The following P2RY8 variants were observed in gnomAD, a reference collection of about 807,000 sequenced individuals.
P2RY8 encodes the protein S-geranylgeranyl-glutathione receptor P2RY8.
In P2RY8, 6 loss-of-function variants were observed where a neutral mutation model predicts 10.0. The ratio of observed to expected loss-of-function variants is 0.60; its 90% CI spans 0.33 to 1.19. The LOEUF (loss-of-function observed/expected upper bound fraction) is 1.19. Ranked by LOEUF, P2RY8 falls within the 50% of genes most tolerant of loss-of-function variation. The pLI, the probability that P2RY8 is intolerant of heterozygous loss-of-function variation, is 0.04. For missense variants in P2RY8, 456 were observed against 542.0 expected, an observed-to-expected ratio of 0.84 and a Z score of 1.58; for synonymous variants, 276 against 252.5, an observed-to-expected ratio of 1.09 and a Z score of -0.88.
chrX:1,522,708 C>T (rs1457775959), intron 1 of P2RY8, among the ~76,000 whole-genome samples: 2 of 151,720 alleles, frequency 1.3e-5, no homozygotes, highest in Non-Finnish European at 1.5e-5. Flanking sequence ...GAGTTAGAGG[C>T]TGCAGTGAGC....
chrX:1,514,542 T>C (rs1417585583), intron 1 of P2RY8, among the ~76,000 whole-genome samples: 1 of 2,010 alleles, frequency 5.0e-4, no homozygotes. Context: ...CTTCCCTTCC[T>C]TTCCCTTCTC....
intron 1 of P2RY8, among the ~76,000 whole-genome samples, chrX:1,482,917 A>G (rs1390666741): frequency 3.3e-5 from 5 of 151,356 alleles, no homozygotes; most frequent in Admixed American, 6.6e-5. Context: ...CACAGGAAGG[A>G]GAACATCACA....
chrX:1,466,607 T>C (rs28371027), intron 1 of P2RY8, 25 bp from the exon 2 acceptor site: 1,564,672 of 1,567,802 alleles, frequency 1, 780,818 homozygotes, highest in South Asian at 1. Flanking sequence ...GGGAAGGGTG[T>C]ACGGGTCAGG....
intron 1 of P2RY8, among the ~76,000 whole-genome samples, chrX:1,473,436 G>A (rs1329873834): frequency 6.7e-5 from 10 of 148,936 alleles, no homozygotes; most frequent in Non-Finnish European, 1.0e-4. Flanking sequence ...TGTGTGGGTG[G>A]ATGAATGGAT....
intron 1 of P2RY8, among the ~76,000 whole-genome samples, chrX:1,469,583 C>T (rs1296097836): frequency 6.6e-6 from 1 of 152,098 alleles, no homozygotes; most frequent in African/African-American, 2.4e-5. Context: ...AGCCCTCTCA[C>T]TTATTTCTTC....
At chrX:1,524,796 T>A (rs866113308) in intron 1 of P2RY8, among the ~76,000 whole-genome samples, 5,749 of 99,902 alleles carry the variant, frequency 0.058, 143 homozygotes, top group Middle Eastern at 0.08. Flanking sequence ...CATCCATTCA[T>A]CCATCCACTC....
In P2RY8 at chrX:1,465,377, G is replaced by A. The variant is rs747919368; in HGVS notation, c.*102C>T. 2.7e-3 allele frequency: 3,987 copies of A among 1,497,716 alleles called. 5 individuals are homozygous for A. Among genetic ancestry groups the A allele is most frequent in the Non-Finnish European group, 3.4e-3 (3,817 of 1,130,390 alleles). 92.8% of individuals were successfully genotyped at this position (1,497,716 alleles called of 1,614,324 possible). A position where few individuals can be genotyped will look rare whatever the true frequency, so the allele number is the denominator to read the frequency against. ...CACCGGGCCTCTGCAGTGCCTGGGA[G>A]CAACGCAGCTGTTCTCCCTGAACCT... On this transcript the variant is annotated 3_prime_UTR_variant, in exon 2 of 2. Coordinates refer to ENST00000381297, the MANE Select transcript of P2RY8 (RefSeq NM_178129.5).
chrX:1,478,791 A>G (rs1400027785), intron 1 of P2RY8, among the ~76,000 whole-genome samples: 2 of 152,100 alleles, frequency 1.3e-5, no homozygotes, highest in Admixed American at 1.3e-4. Flanking sequence ...GTATCTTTTT[A>G]TGTGAACATA....
chrX:1,498,206 A>G (rs376643925), intron 1 of P2RY8, among the ~76,000 whole-genome samples: 11 of 151,786 alleles, frequency 7.2e-5, no homozygotes, highest in African/African-American at 2.7e-4. Flanking sequence ...GGAGATCAAG[A>G]CCATCCTGGC....
intron 1 of P2RY8, among the ~76,000 whole-genome samples, chrX:1,492,030 C>G (rs1300086753): frequency 6.6e-6 from 1 of 152,214 alleles, no homozygotes; most frequent in Admixed American, 6.5e-5. Context: ...TGGCCCTGAC[C>G]TCTCTGCTGC....
intron 1 of P2RY8, among the ~76,000 whole-genome samples, chrX:1,486,822 T>C (rs1294191601): frequency 6.6e-6 from 1 of 152,228 alleles, no homozygotes; most frequent in Non-Finnish European, 1.5e-5. Flanking sequence ...TACACCCTCC[T>C]GGCTGACTCC....
intron 1 of P2RY8, among the ~76,000 whole-genome samples, chrX:1,500,740 G>T (rs770030720): frequency 6.6e-6 from 1 of 152,082 alleles, no homozygotes; most frequent in Non-Finnish European, 1.5e-5. Flanking sequence ...GAGGCCCTGC[G>T]CCCGGCCACG....
At chrX:1,499,721 T>A (rs2092155605) in intron 1 of P2RY8, among the ~76,000 whole-genome samples, 1 of 152,074 alleles carries the variant, frequency 6.6e-6, no homozygotes, top group South Asian at 2.1e-4. Flanking sequence ...TCAAACAACC[T>A]GACCAAAACT....
At chrX:1,535,312 C>G (rs751559460) in intron 1 of P2RY8, among the ~76,000 whole-genome samples, 3 of 147,560 alleles carry the variant, frequency 2.0e-5, no homozygotes, top group East Asian at 4.0e-4. Flanking sequence ...CTTAGCGTGC[C>G]GAGTAACTGG....
chrX:1,533,986 ATATTTATATAT>A lies in P2RY8; in HGVS notation c.-25+2924_-25+2934del, dbSNP rs1377504478. Among the ~76,000 whole-genome samples the A allele has an allele frequency of 5.6e-4, 70 of 124,302 alleles. 2 individuals carry two copies. The East Asian group carries it at 0.016, about 28-fold the overall frequency. The allele number at this position is 124,302 out of a possible 152,430, so 81.5% of individuals were successfully genotyped here. ...TATATTTATAACTTAAATATATTAT[ATATTTATATAT>A]TATTTATATATTACATATTTACATA... On this transcript the variant is annotated intron_variant, in intron 1 of 1. Transcript: ENST00000381297.
intron 1 of P2RY8, among the ~76,000 whole-genome samples, chrX:1,509,179 C>CTCTAT (rs2092269845): frequency 6.6e-6 from 1 of 151,530 alleles, no homozygotes; most frequent in Admixed American, 6.6e-5. Flanking sequence ...ATCTATCTAT[C>CTCTAT]TATCTATCTA....
chrX:1,474,905 G>A (rs1457240141), intron 1 of P2RY8, among the ~76,000 whole-genome samples: 1 of 143,424 alleles, frequency 7.0e-6, no homozygotes, highest in Non-Finnish European at 1.5e-5. Context: ...TGGATGGATG[G>A]ATAAGTGGGT....
intron 1 of P2RY8, among the ~76,000 whole-genome samples, chrX:1,481,124 G>A (rs749422694): frequency 4.0e-4 from 61 of 152,006 alleles, no homozygotes; most frequent in African/African-American, 1.4e-3. Context: ...ACAAGAAGAC[G>A]GTCCCTGCAC....
chrX:1,504,968 T>TA lies in P2RY8; in HGVS notation c.-25+31952dup, dbSNP rs770349546. Among the ~76,000 whole-genome samples, 12 of 151,278 alleles carry TA rather than the reference T, an allele frequency of 7.9e-5. No homozygotes were observed. The South Asian group carries it at 1.9e-3, about 24-fold the overall frequency. ...TAACACGGTGAAACCCTGTCTCTAC[T>TA]AAAAAAAATACAAAAATAAATTAGC... is the stretch of plus-strand genomic sequence containing the variant. On this transcript the variant is annotated intron_variant, in intron 1 of 1. Transcript: ENST00000381297.
Sources: allele counts gnomAD v4.1 joint callset (sites outside exome capture counted in the v4.1 genomes callset), GRCh38; gene constraint gnomAD v4.1.1; transcripts MANE v1.5; gene names NCBI Gene and HGNC (gene_info 2026-07-23, HGNC 2026-07-21).